Variants in DCLRE1A observed in about 807,000 individuals in gnomAD.
The protein encoded by DCLRE1A is DNA cross-link repair 1A protein.
DCLRE1A carries 64 observed loss-of-function variants against 91.9 expected under a neutral mutation model. The observed-to-expected ratio is 0.70, with a 90% CI of 0.57 to 0.86. The LOEUF (loss-of-function observed/expected upper bound fraction) is 0.86. Ranked by LOEUF, DCLRE1A falls within the 40% of genes least tolerant of loss-of-function variation. The pLI is 0.00. For missense variants in DCLRE1A, 1,145 were observed against 1,213.3 expected, an observed-to-expected ratio of 0.94 and a Z score of 0.84; for synonymous variants, 416 against 431.1, an observed-to-expected ratio of 0.96 and a Z score of 0.43.
chr10:113,845,854 T>C, intron 3 of DCLRE1A, 51 bp from the exon 4 acceptor site: 1 of 1,380,946 alleles, frequency 7.2e-7, no homozygotes, highest in Non-Finnish European at 1.0e-6. Flanking sequence ...CTAAATATTT[T>C]ATTTCATATC....
At chr10:113,846,823 TA>T (rs1167981197) in intron 3 of DCLRE1A, among the ~76,000 whole-genome samples, 9 of 152,226 alleles carry the variant, frequency 5.9e-5, no homozygotes, top group Non-Finnish European at 1.3e-4. Flanking sequence ...TTCATTGTAT[TA>T]TTTTTTATTT....
At chr10:113,842,229 A>C in intron 6 of DCLRE1A, 114 bp downstream of exon 6, 1 of 914,778 alleles carries the variant, frequency 1.1e-6, no homozygotes, top group Non-Finnish European at 1.5e-6. Flanking sequence ...GGTAATATTG[A>C]ATCATTACAG....
chr10:113,844,184 C>T lies in DCLRE1A; in HGVS notation c.2439G>A (p.Thr813=), dbSNP rs148822982. The change falls in exon 5 of 9, where the codon ACG becomes ACA. Residue 813 remains threonine (T), a synonymous_variant. Transcript: ENST00000361384. The part of the protein sequence containing the change: ...YLPNGTVILH[T]GDFRADPSME... ...TGCTGGGATCTGCTCTGAAGTCTCC[C>T]GTGTGTAATATGACAGTACCATTAG... is the stretch of plus-strand genomic sequence containing the variant. The T allele has an allele frequency of 1.1e-5, 17 of 1,614,010 alleles. No homozygotes were observed. The highest frequency in any genetic ancestry group is 5.3e-5 in the African/African-American group (4 of 74,908).
intron 7 of DCLRE1A, 72 bp from the exon 8 acceptor site, chr10:113,837,275 T>C (rs1045019226): frequency 3.5e-6 from 5 of 1,412,566 alleles, no homozygotes; most frequent in Non-Finnish European, 4.7e-6. Flanking sequence ...TGATTAAAGA[T>C]GTTATACTGG....
intron 2 of DCLRE1A, 122 bp from the exon 3 acceptor site, chr10:113,847,457 A>G (rs1845557943): frequency 1.1e-5 from 12 of 1,108,840 alleles, no homozygotes; most frequent in Non-Finnish European, 1.2e-5. Flanking sequence ...ATATTTAAAA[A>G]CTTATATCAC....
rs1354859783 is a variant in DCLRE1A at position 113,844,213 on chromosome 10, G to A, written c.2410C>T (p.Leu804Phe). The A allele has an allele frequency of 6.2e-7, 1 of 1,614,022 alleles. No homozygotes were observed. The highest frequency in any genetic ancestry group is 2.2e-5 in the East Asian group (1 of 44,896). ...CPGAVMILFYLPNGTVILHTG... is the reference protein window; with the variant it reads ...CPGAVMILFYFPNGTVILHTG... ...TGTAATATGACAGTACCATTAGGAA[G>A]ATAAAAGAGGATCATGACAGCACCT... Residue 804 changes from leucine (L) to phenylalanine (F), a missense_variant, in exon 5 of 9, where the codon CTT (leucine) becomes TTT (phenylalanine). Physicochemically the swap from Leu to Phe is conservative, Grantham distance 22 (BLOSUM62 0). Coordinates refer to ENST00000361384, the MANE Select transcript of DCLRE1A (RefSeq NM_014881.5).
chr10:113,850,850 A>C (rs17235087), intron 1 of DCLRE1A, among the ~76,000 whole-genome samples: 10,273 of 152,192 alleles, frequency 0.068, 1,108 homozygotes, highest in African/African-American at 0.23. Flanking sequence ...GAAATTGGTT[A>C]ATTATAAGGC....
chr10:113,842,547 C>T (rs1845462909), intron 5 of DCLRE1A, 59 bp from the exon 6 acceptor site: 1 of 1,513,966 alleles, frequency 6.6e-7, no homozygotes, highest in African/African-American at 1.4e-5. Context: ...TCACCTTAAG[C>T]TGGATGCTAT....
intron 5 of DCLRE1A, among the ~76,000 whole-genome samples, chr10:113,843,892 A>C (rs1261531214): frequency 1.3e-5 from 2 of 152,250 alleles, no homozygotes; most frequent in Non-Finnish European, 2.9e-5. Context: ...ATTTTCAAAA[A>C]TAAATCACAC....
chr10:113,836,008 C>A (rs892267671), intron 8 of DCLRE1A, among the ~76,000 whole-genome samples: 2 of 152,000 alleles, frequency 1.3e-5, no homozygotes, highest in Admixed American at 6.6e-5. Context: ...TGGCACTTCC[C>A]CCTTTGTGCT....
At chr10:113,847,367 G>A in intron 2 of DCLRE1A, 32 bp from the exon 3 acceptor site, 4 of 1,610,854 alleles carry the variant, frequency 2.5e-6, no homozygotes, top group Non-Finnish European at 3.4e-6. Flanking sequence ...AGTAGGTTGA[G>A]CAAGAGCTAA....
intron 5 of DCLRE1A, 50 bp from the exon 6 acceptor site, chr10:113,842,538 C>G: frequency 6.4e-7 from 1 of 1,562,008 alleles, no homozygotes; most frequent in Non-Finnish European, 8.7e-7. Flanking sequence ...AAAAAGCCAT[C>G]ACCTTAAGCT....
Position 113,834,982 on chromosome 10 carries a change from A to T in DCLRE1A, c.*170T>A. On this transcript the variant is annotated 3_prime_UTR_variant, in exon 9 of 9. Coordinates refer to ENST00000361384, the MANE Select transcript of DCLRE1A (RefSeq NM_014881.5). ...TTCAGTTATCCTTGATGATGCTGAG[A>T]GGCATTCAGCACCACGAACATGTTG... 1.5e-6 allele frequency: 1 copy of T among 653,892 alleles called. No homozygotes were observed. The highest frequency in any genetic ancestry group is 3.0e-5 in the East Asian group (1 of 33,524). The allele number at this position is 653,892 out of a possible 1,614,324, so 40.5% of individuals were successfully genotyped here.
intron 7 of DCLRE1A, among the ~76,000 whole-genome samples, chr10:113,838,739 T>A (rs1460147825): frequency 6.6e-6 from 1 of 152,218 alleles, no homozygotes; most frequent in East Asian, 1.9e-4. Flanking sequence ...TAATCATCTA[T>A]AACATCATTG....
At chr10:113,844,380 C>T (rs1845497530) in intron 4 of DCLRE1A, 136 bp from the exon 5 acceptor site, 1 of 1,138,030 alleles carries the variant, frequency 8.8e-7, no homozygotes, top group Non-Finnish European at 1.2e-6. Flanking sequence ...GGAAATGCGG[C>T]ACTTCAACTC....
rs1319786406 is a variant in DCLRE1A at position 113,836,915 on chromosome 10, C to T, written c.2962+147G>A. 5 of 662,680 alleles carry T rather than the reference C, an allele frequency of 7.5e-6. No homozygotes were observed. The Admixed American group carries it at 1.3e-4, about 18-fold the overall frequency. The allele number at this position is 662,680 out of a possible 1,614,324, so 41.0% of individuals were successfully genotyped here. On this transcript the variant is annotated intron_variant, in intron 8 of 8. Transcript: ENST00000361384. ...ATATCAGTTTACAATGGACTAGATA[C>T]AGGATTAGAGTTGTAGAGAGATGAA... is the stretch of plus-strand genomic sequence containing the variant.
intron 6 of DCLRE1A, among the ~76,000 whole-genome samples, chr10:113,841,991 T>A (rs1455473701): frequency 6.6e-6 from 1 of 152,106 alleles, no homozygotes; most frequent in East Asian, 1.9e-4. Flanking sequence ...GGAACAAAAA[T>A]TAAAACTGAT....
chr10:113,847,587 A>G (rs1845560587), intron 2 of DCLRE1A, among the ~76,000 whole-genome samples: 2 of 152,362 alleles, frequency 1.3e-5, no homozygotes, highest in East Asian at 3.9e-4. Flanking sequence ...TTTAAATTCT[A>G]GGTTACAAAC....
intron 1 of DCLRE1A, 142 bp downstream of exon 1, chr10:113,852,581 C>A (rs1845671836): frequency 1.3e-6 from 1 of 765,658 alleles, no homozygotes; most frequent in Non-Finnish European, 2.1e-6. Flanking sequence ...ACAATTATAC[C>A]GTTGACTGGT....
Sources: gnomAD v4.1 joint callset for allele counts (sites outside exome capture counted in the v4.1 genomes callset) on GRCh38, gnomAD v4.1.1 for gene constraint, MANE v1.5 for transcripts, NCBI Gene and HGNC (gene_info 2026-07-23, HGNC 2026-07-21) for gene names.